LRRN1: variants seen among roughly 807,000 people sequenced by gnomAD.
LRRN1 encodes leucine-rich repeat neuronal protein 1.
A neutral mutation model predicts 45.8 loss-of-function variants in LRRN1; 14 were observed. The observed-to-expected ratio is 0.31, with a 90% CI of 0.20 to 0.48. LRRN1 has a LOEUF of 0.48. LRRN1 is among the 20% of genes least tolerant of loss of function. The pLI is 0.99. For missense variants in LRRN1, 789 were observed against 874.2 expected, an observed-to-expected ratio of 0.90 and a Z score of 1.23; for synonymous variants, 359 against 330.1, an observed-to-expected ratio of 1.09 and a Z score of -0.95.
intron 1 of LRRN1, among the ~76,000 whole-genome samples, chr3:3,839,141 A>C (rs1196315184): frequency 6.6e-6 from 1 of 152,148 alleles, no homozygotes; most frequent in Non-Finnish European, 1.5e-5. Context: ...TTTAGGTCTT[A>C]TGGTTAGGTC....
intron 1 of LRRN1, among the ~76,000 whole-genome samples, chr3:3,825,814 C>A (rs1693203536): frequency 1.3e-5 from 2 of 152,116 alleles, no homozygotes; most frequent in Non-Finnish European, 2.9e-5. Flanking sequence ...GAGAGTCACA[C>A]CATAATAAAC....
chr3:3,801,552 G>C (rs571948360), intron 1 of LRRN1, among the ~76,000 whole-genome samples: 1 of 152,312 alleles, frequency 6.6e-6, no homozygotes, highest in Non-Finnish European at 1.5e-5. Context: ...GCATGCAAAT[G>C]TGAGCGGATC....
In LRRN1 at chr3:3,846,814, G is replaced by T. The variant is rs945619363; in HGVS notation, c.*22G>T. 6.4e-7 allele frequency: 1 copy of T among 1,553,246 alleles called. No homozygotes were observed. Among genetic ancestry groups the T allele is most frequent in the Non-Finnish European group, 8.7e-7 (1 of 1,149,508 alleles). ...GTAACTCAGAGGATATTTTGCTTCT[G>T]GTAGTAAGGAGCACAAAGACGTTTT... On this transcript the variant is annotated 3_prime_UTR_variant, in exon 2 of 2. Coordinates refer to ENST00000319331, the MANE Select transcript of LRRN1 (RefSeq NM_020873.7). The surrounding 1 kb of genome is among the most constrained non-coding windows in gnomAD (Gnocchi z 5.7).
intron 1 of LRRN1, among the ~76,000 whole-genome samples, chr3:3,834,534 A>AT (rs1553563085): frequency 9.5e-6 from 1 of 105,750 alleles, no homozygotes; most frequent in African/African-American, 3.6e-5. Context: ...GGATATATAT[A>AT]TATATATATA....
intron 1 of LRRN1, among the ~76,000 whole-genome samples, chr3:3,808,509 T>G (rs1561802): frequency 1.3e-5 from 2 of 152,046 alleles, no homozygotes; most frequent in Non-Finnish European, 1.5e-5. Context: ...GAGTCCTTTA[T>G]TTGAATTCTC....
intron 1 of LRRN1, among the ~76,000 whole-genome samples, chr3:3,833,336 T>G (rs565908377): frequency 1.3e-5 from 2 of 152,338 alleles, no homozygotes; most frequent in Admixed American, 1.3e-4. Context: ...ATACTTCAGC[T>G]AACCAAGCAA....
intron 1 of LRRN1, among the ~76,000 whole-genome samples, chr3:3,818,797 A>G (rs1693039459): frequency 6.6e-6 from 1 of 152,194 alleles, no homozygotes; most frequent in South Asian, 2.1e-4. Context: ...GTTAAGGAAC[A>G]GGTACCTCTG....
At chr3:3,822,290 A>G (rs531033741) in intron 1 of LRRN1, among the ~76,000 whole-genome samples, 1 of 152,328 alleles carries the variant, frequency 6.6e-6, no homozygotes, top group South Asian at 2.1e-4. Context: ...TCTTACAACT[A>G]CTACTCAGCC....
In LRRN1 at chr3:3,845,534, G is replaced by A; in HGVS notation, c.893G>A (p.Gly298Asp). Residue 298 changes from glycine to aspartate, a missense_variant, in exon 2 of 2, where the codon GGC becomes GAC. Physicochemically the swap from Gly to Asp is moderately conservative, Grantham distance 94. Coordinates refer to ENST00000319331, the MANE Select transcript of LRRN1 (RefSeq NM_020873.7). This position sits in a 1 kb window ranked among gnomAD's most constrained non-coding sequence, Gnocchi z 6.5. ...RLKELGINNMGELVSVDRYAL... is the reference protein window; with the variant it reads ...RLKELGINNMDELVSVDRYAL... Reference sequence around the variant, plus strand: ...AAAGAACTGGGAATCAACAATATGGGCGAGCTCGTTTCTGTCGACCGCTAT... The same window carrying A: ...AAAGAACTGGGAATCAACAATATGGACGAGCTCGTTTCTGTCGACCGCTAT... 6.2e-7 allele frequency: 1 copy of A among 1,614,008 alleles called. No individual in the cohort carries two copies. The highest frequency in any genetic ancestry group is 8.5e-7 in the Non-Finnish European group (1 of 1,180,008).
Position 3,848,951 on chromosome 3 carries a change from T to C in LRRN1, c.*2159T>C, listed in dbSNP as rs1300882700. ...TCAGACGGTGTCTCTACTGTTAGTA[T>C]TGCAAAGTATGTATGGGAAACACAG... On this transcript the variant is annotated 3_prime_UTR_variant, in exon 2 of 2. Coordinates refer to ENST00000319331, the MANE Select transcript of LRRN1 (RefSeq NM_020873.7). 6.6e-6 allele frequency among the ~76,000 whole-genome samples: 1 copy of C among 152,212 alleles called. No individual in the cohort carries two copies. The highest frequency in any genetic ancestry group is 2.4e-5 in the African/African-American group (1 of 41,458).
Position 3,846,877 on chromosome 3 carries a change from T to A in LRRN1, c.*85T>A. 8.4e-7 allele frequency: 1 copy of A among 1,192,950 alleles called. No individual in the cohort carries two copies. Among genetic ancestry groups the A allele is most frequent in the Non-Finnish European group, 1.2e-6 (1 of 859,432 alleles). 73.9% of individuals were successfully genotyped at this position (1,192,950 alleles called of 1,614,324 possible). ...CAAAAGTGAACAAGTTGAAGACTTTTGTATTTTTGACTTTGCTAGTTTGTG... is the reference window on the plus strand; with the variant it reads ...CAAAAGTGAACAAGTTGAAGACTTTAGTATTTTTGACTTTGCTAGTTTGTG... On this transcript the variant is annotated 3_prime_UTR_variant, in exon 2 of 2. Coordinates refer to ENST00000319331, the MANE Select transcript of LRRN1 (RefSeq NM_020873.7). This position sits in a 1 kb window ranked among gnomAD's most constrained non-coding sequence, Gnocchi z 5.7.
At chr3:3,834,214 G>A (rs994699213) in intron 1 of LRRN1, among the ~76,000 whole-genome samples, 3 of 151,768 alleles carry the variant, frequency 2.0e-5, no homozygotes, top group Admixed American at 6.6e-5. Context: ...TGTGTTCCTC[G>A]GTTCTCCACA....
At chr3:3,822,584 T>G (rs1559292819) in intron 1 of LRRN1, 1 of 152,198 alleles carries the variant, frequency 6.6e-6, no homozygotes, top group Non-Finnish European at 1.5e-5. Context: ...ATGCTTCAGG[T>G]GTCATTCAAC....
rs1036436160 is a variant in LRRN1 at position 3,844,491 on chromosome 3, T to A, written c.-151T>A. On this transcript the variant is annotated 5_prime_UTR_variant, in exon 2 of 2. Transcript: ENST00000319331. The stretch of plus-strand genomic sequence containing the variant: ...GCCTTTTGAAAACTCCTGAAAACCA[T>A]CCCTTTGGACTCTGGAATTCTACAC... 1.1e-5 allele frequency: 7 copies of A among 622,046 alleles called. No individual in the cohort carries two copies. In the Admixed American group the frequency reaches 2.3e-4, roughly 21 times the overall value. The allele number at this position is 622,046 out of a possible 1,614,324, so 38.5% of individuals were successfully genotyped here.
chr3:3,838,526 A>G (rs1056548849), intron 1 of LRRN1, among the ~76,000 whole-genome samples: 2 of 152,162 alleles, frequency 1.3e-5, no homozygotes, highest in Non-Finnish European at 2.9e-5. Context: ...TTCCGCTTTA[A>G]TTCTTTTGGA....
Position 3,848,814 on chromosome 3 carries a change from T to A in LRRN1, c.*2022T>A, listed in dbSNP as rs967813596. 6.6e-6 allele frequency among the ~76,000 whole-genome samples: 1 copy of A among 152,210 alleles called. No homozygotes were observed. The highest frequency in any genetic ancestry group is 1.5e-5 in the Non-Finnish European group (1 of 68,032). The stretch of plus-strand genomic sequence containing the variant: ...TAGGCCCGGCAGCCTGTTAGGTTCC[T>A]GTGCAGGGCCCCTCTTTTGCAGTTC... On this transcript the variant is annotated 3_prime_UTR_variant, in exon 2 of 2. Transcript: ENST00000319331.
intron 1 of LRRN1, among the ~76,000 whole-genome samples, chr3:3,835,334 A>T (rs1241406093): frequency 6.6e-6 from 1 of 152,230 alleles, no homozygotes; most frequent in African/African-American, 2.4e-5. Context: ...TTTCTCATGT[A>T]ATTGAACACT....
At chr3:3,831,195 G>A (rs1297826307) in intron 1 of LRRN1, among the ~76,000 whole-genome samples, 2 of 152,342 alleles carry the variant, frequency 1.3e-5, no homozygotes, top group East Asian at 1.9e-4. Context: ...AACGAGGAAT[G>A]TGTTGCCTCC....
intron 1 of LRRN1, among the ~76,000 whole-genome samples, chr3:3,813,711 C>G (rs554875248): frequency 1.3e-5 from 2 of 152,228 alleles, no homozygotes; most frequent in Admixed American, 1.3e-4. Flanking sequence ...CCCAACATCA[C>G]CGAAGGAGCA....
Sources: allele counts gnomAD v4.1 joint callset (sites outside exome capture counted in the v4.1 genomes callset), GRCh38; gene constraint gnomAD v4.1.1; non-coding constraint Gnocchi (gnomAD v3.1); transcripts MANE v1.5; gene names NCBI Gene and HGNC (gene_info 2026-07-23, HGNC 2026-07-21).